The following STAG2 variants were observed in gnomAD, a reference collection of about 807,000 sequenced individuals.
STAG2 encodes STAG2 cohesin complex component, also known as cohesin subunit SA-2.
Under a neutral mutation model 108.1 loss-of-function variants are expected in STAG2, and 14 were observed. The observed-to-expected ratio is 0.13, with a 90% CI of 0.09 to 0.20. The LOEUF is 0.20. STAG2 is among the 10% of genes least tolerant of loss of function. STAG2 has a pLI of 1.00. For missense variants in STAG2, 440 were observed against 940.9 expected (o/e 0.47, Z 6.96); for synonymous variants, 307 against 302.7 (o/e 1.01, Z -0.15).
At chrX:123,985,960 C>CTCTGGT (rs2055155173) in intron 1 of STAG2, among the ~76,000 whole-genome samples, 1 of 108,302 alleles carries the variant, frequency 9.2e-6, no homozygotes, top group South Asian at 3.9e-4. Context: ...ATCCTGTGTT[C>CTCTGGT]TCTGGTTCTG....
intron 23 of STAG2, among the ~76,000 whole-genome samples, chrX:124,067,552 A>G (rs918173306): frequency 9.0e-6 from 1 of 111,265 alleles, no homozygotes; most frequent in Admixed American, 9.6e-5. Context: ...AGCCTGAGCC[A>G]CTGTGCCCTG....
chrX:123,996,683 A>G (rs1358845559), intron 1 of STAG2, among the ~76,000 whole-genome samples: 1 of 112,149 alleles, frequency 8.9e-6, no homozygotes, highest in African/African-American at 3.2e-5. Context: ...TTCACTTAGC[A>G]TAATGCATTT....
chrX:124,010,026 G>T (rs754501751), intron 1 of STAG2, among the ~76,000 whole-genome samples: 1 of 111,457 alleles, frequency 9.0e-6, no homozygotes, highest in East Asian at 2.8e-4. Flanking sequence ...TGGTATGCTT[G>T]TTTAGTAGAA....
intron 1 of STAG2, among the ~76,000 whole-genome samples, chrX:123,992,381 T>G (rs748218874): frequency 8.9e-6 from 1 of 111,778 alleles, no homozygotes; most frequent in East Asian, 2.8e-4. Context: ...CTGCTACAGA[T>G]ATACTTAATA....
intron 8 of STAG2, among the ~76,000 whole-genome samples, chrX:124,045,596 A>G (rs1225095061): frequency 9.0e-6 from 1 of 111,273 alleles, no homozygotes; most frequent in African/African-American, 3.3e-5. Flanking sequence ...TTTCTTGTAT[A>G]CTATGCATAC....
At chrX:124,051,057 A>G (rs2148224217) in intron 11 of STAG2, 64 bp from the exon 12 acceptor site, 6 of 638,025 alleles carry the variant, frequency 9.4e-6, no homozygotes, top group Non-Finnish European at 1.2e-5. Context: ...CATCTTGAAT[A>G]TTGAAGTTGA....
intron 6 of STAG2, among the ~76,000 whole-genome samples, chrX:124,038,605 C>T (rs1252456753): frequency 2.7e-5 from 3 of 111,295 alleles, no homozygotes; most frequent in African/African-American, 9.8e-5. Flanking sequence ...CTTTGAAAAA[C>T]AAGTAACATT....
intron 10 of STAG2, 117 bp downstream of exon 10, chrX:124,049,195 T>C (rs1218723956): frequency 5.4e-6 from 3 of 550,695 alleles, no homozygotes; most frequent in Middle Eastern, 5.6e-4. Flanking sequence ...GTAAAATCAA[T>C]GTTAGACTCC....
At chrX:123,983,344 T>C (rs1191392844) in intron 1 of STAG2, among the ~76,000 whole-genome samples, 1 of 111,413 alleles carries the variant, frequency 9.0e-6, no homozygotes, top group Non-Finnish European at 1.9e-5. Flanking sequence ...ATTTACTACT[T>C]AGGAAACCTG....
At chrX:124,084,194 T>C (rs1409024744) in intron 29 of STAG2, among the ~76,000 whole-genome samples, 1 of 111,946 alleles carries the variant, frequency 8.9e-6, no homozygotes, top group Non-Finnish European at 1.9e-5. Flanking sequence ...GAAAACTCAC[T>C]AGTATTTTGC....
Position 123,974,282 on chromosome X carries a change from G to T in STAG2, c.-163+12426G>T, listed in dbSNP as rs760996908. 9.4e-5 allele frequency among the ~76,000 whole-genome samples: 10 copies of T among 106,370 alleles called. No individual in the cohort carries two copies. The East Asian group carries it at 2.9e-3, about 31-fold the overall frequency. The allele number at this position is 106,370 out of a possible 115,157, so 92.4% of individuals were successfully genotyped here. ...GAGCCTTACTCTGTTGGCCAGGCTGGAGTGTAGTGGCACAATCTTGGCTTA... is the reference window on the plus strand; with the variant it reads ...GAGCCTTACTCTGTTGGCCAGGCTGTAGTGTAGTGGCACAATCTTGGCTTA... On this transcript the variant is annotated intron_variant, in intron 1 of 34. Transcript: ENST00000371145.
intron 1 of STAG2, among the ~76,000 whole-genome samples, chrX:123,998,989 A>G (rs772912416): frequency 9.0e-6 from 1 of 110,631 alleles, no homozygotes; most frequent in Non-Finnish European, 1.9e-5. Context: ...GCCTGGGTGC[A>G]TGTCTGTAGT....
At chrX:123,970,669 G>A (rs2054314701) in intron 1 of STAG2, among the ~76,000 whole-genome samples, 1 of 111,440 alleles carries the variant, frequency 9.0e-6, no homozygotes, top group Non-Finnish European at 1.9e-5. Flanking sequence ...ATTTAATGTG[G>A]GACATTAAAT....
In STAG2 at chrX:124,035,500, G is replaced by A. The variant is rs148429959; in HGVS notation, c.289-2027G>A. The stretch of plus-strand genomic sequence containing the variant: ...AACAAACCACCCCAAACTTAGTGAT[G>A]TGAAACAACAATCATTTTATTATGC... On this transcript the variant is annotated intron_variant, in intron 5 of 34. Coordinates refer to ENST00000371145, the MANE Select transcript of STAG2 (RefSeq NM_001042750.2). 1.4e-4 allele frequency among the ~76,000 whole-genome samples: 16 copies of A among 111,847 alleles called. No homozygotes were observed. The East Asian group carries it at 4.2e-3, about 29-fold the overall frequency.
intron 1 of STAG2, among the ~76,000 whole-genome samples, chrX:124,020,064 T>C (rs759311869): frequency 1.8e-5 from 2 of 113,152 alleles, no homozygotes; most frequent in Non-Finnish European, 1.9e-5. Context: ...AAGTACATGT[T>C]AGTATAGCCT....
chrX:124,068,612 T>A lies in STAG2; in HGVS notation c.2314T>A (p.Cys772Ser), dbSNP rs762388218. The change falls in exon 24 of 35, where the codon TGT (cysteine) becomes AGT (serine). Residue 772 changes from cysteine to serine, a missense_variant. Cys to Ser is a moderately radical substitution (Grantham distance 112). Around this residue, in one of 3 missense-constraint regions of STAG2, gnomAD observed 337 missense variants for 649.3 expected, o/e 0.52. Coordinates refer to ENST00000371145, the MANE Select transcript of STAG2 (RefSeq NM_001042750.2). ...ACAAATGAGAGTATTTTGTCAGATA[T>A]GTCAACATTACCTGACCAACGTGAA... ...KKQMRVFCQI[C>S]QHYLTNVNTT... 3.3e-6 allele frequency: 4 copies of A among 1,194,730 alleles called. No individual in the cohort carries two copies. The African/African-American group carries it at 7.1e-5, about 21-fold the overall frequency.
chrX:123,962,842 A>C (rs1276606745), intron 1 of STAG2, among the ~76,000 whole-genome samples: 1 of 110,345 alleles, frequency 9.1e-6, no homozygotes, highest in Non-Finnish European at 1.9e-5. Context: ...TGTAAATTCC[A>C]TACCCCTTTT....
intron 1 of STAG2, among the ~76,000 whole-genome samples, chrX:124,015,756 G>A (rs1431322486): frequency 8.9e-6 from 1 of 111,987 alleles, no homozygotes; most frequent in Admixed American, 9.5e-5. Context: ...CACATTTTGG[G>A]TTAGCTTTTC....
intron 1 of STAG2, among the ~76,000 whole-genome samples, chrX:123,988,245 T>C (rs1300434514): frequency 8.9e-6 from 1 of 111,832 alleles, no homozygotes; most frequent in African/African-American, 3.2e-5. Flanking sequence ...TTAATAGTCT[T>C]GACTACTGGC....
Sources: gnomAD v4.1 joint callset for allele counts (sites outside exome capture counted in the v4.1 genomes callset) on GRCh38, gnomAD v4.1.1 for gene constraint, gnomAD v4.1.1 regional missense constraint, MANE v1.5 for transcripts, NCBI Gene and HGNC (gene_info 2026-07-23, HGNC 2026-07-21) for gene names.